The following RASSF3 variants were observed in gnomAD, a reference collection of about 807,000 sequenced individuals.
RASSF3 encodes Ras association domain family member 3.
RASSF3 carries 19 observed loss-of-function variants against 19.9 expected under a neutral mutation model. The observed-to-expected ratio is 0.96, with a 90% confidence interval of 0.67 to 1.40. RASSF3 has a LOEUF of 1.40. RASSF3 is among the 40% of genes most tolerant of loss of function. The pLI is 0.00. For missense variants in RASSF3, 306 were observed against 289.8 expected (o/e 1.06, Z -0.41); for synonymous variants, 110 against 104.2 (o/e 1.06, Z -0.34).
rs183467368 is a variant in RASSF3 at position 64,641,835 on chromosome 12, C to G, written c.111+31092C>G. 8.1e-3 allele frequency among the ~76,000 whole-genome samples: 1,216 copies of G among 149,882 alleles called. 5 individuals are homozygous for G. Among genetic ancestry groups the G allele is most frequent in the Middle Eastern group, 0.024 (7 of 290 alleles). ...TCGGCTCACTGCAACCTCTGCCTCC[C>G]GGGTTCAAGCGATTCTTCTGCCTCA... On this transcript the variant is annotated intron_variant, in intron 1 of 4. Transcript: ENST00000542104.
intron 1 of RASSF3, among the ~76,000 whole-genome samples, chr12:64,677,755 G>T (rs1315111567): frequency 6.6e-6 from 1 of 152,212 alleles, no homozygotes; most frequent in African/African-American, 2.4e-5. Context: ...AGCTCTGTGT[G>T]ACAGTTCTCT....
intron 2 of RASSF3, among the ~76,000 whole-genome samples, chr12:64,577,183 T>G (rs1869609059): frequency 1.3e-5 from 2 of 152,208 alleles, no homozygotes; most frequent in South Asian, 4.1e-4. Context: ...CTGAGTTTCT[T>G]AAAAGATTAG....
chr12:64,575,267 C>T (rs751348369), intron 2 of RASSF3, among the ~76,000 whole-genome samples: 2 of 152,132 alleles, frequency 1.3e-5, no homozygotes, highest in Non-Finnish European at 2.9e-5. Context: ...TTAAATATAA[C>T]ATCTGGCTGG....
chr12:64,568,992 G>A (rs1869476498), intron 2 of RASSF3, among the ~76,000 whole-genome samples: 1 of 152,214 alleles, frequency 6.6e-6, no homozygotes, highest in South Asian at 2.1e-4. Context: ...TTACAGGCGT[G>A]AGCCACTGTG....
Position 64,552,682 on chromosome 12 carries a change from C to T in RASSF3, c.294+10977C>T, listed in dbSNP as rs574253333. On this transcript the variant is annotated intron_variant, in intron 2 of 5. Coordinates refer to the RASSF3 transcript ENST00000637125. ...GAGAAAAATGACTTCCAGCTCCATC[C>T]ATGTCCCTGCAAAGGACATGATCTC... 4.6e-4 allele frequency among the ~76,000 whole-genome samples: 70 copies of T among 152,294 alleles called. No homozygotes were observed. In the South Asian group the frequency reaches 0.014, roughly 31 times the overall value.
chr12:64,621,541 G>A (rs938707328), intron 1 of RASSF3, among the ~76,000 whole-genome samples: 56 of 152,234 alleles, frequency 3.7e-4, no homozygotes, highest in African/African-American at 1.3e-3. Context: ...GCAATGGTGC[G>A]AACTTGGCTC....
At chr12:64,640,201 A>G (rs1042917108) in intron 1 of RASSF3, among the ~76,000 whole-genome samples, 1 of 152,166 alleles carries the variant, frequency 6.6e-6, no homozygotes, top group Admixed American at 6.5e-5. Flanking sequence ...CATATTTAAT[A>G]TATACAGTTT....
chr12:64,544,163 G>A (rs1869008564), downstream of RASSF3, among the ~76,000 whole-genome samples: 1 of 152,052 alleles, frequency 6.6e-6, no homozygotes, highest in Non-Finnish European at 1.5e-5. Flanking sequence ...GCGTTTATGA[G>A]CTGTAACGCC....
intron 1 of RASSF3, among the ~76,000 whole-genome samples, chr12:64,656,745 A>G (rs995104898): frequency 6.6e-6 from 1 of 152,210 alleles, no homozygotes; most frequent in African/African-American, 2.4e-5. Context: ...GTCTGATGGA[A>G]TATCTGGGAT....
At chr12:64,675,732 G>A (rs1418089024) in intron 1 of RASSF3, among the ~76,000 whole-genome samples, 1 of 152,092 alleles carries the variant, frequency 6.6e-6, no homozygotes, top group Non-Finnish European at 1.5e-5. Context: ...AGGAGGATTA[G>A]GGGATGGGGA....
chr12:64,584,080 C>G (rs1484414304), intron 2 of RASSF3, among the ~76,000 whole-genome samples: 1 of 152,176 alleles, frequency 6.6e-6, no homozygotes. Flanking sequence ...CATCTGCACT[C>G]AACAACAATT....
intron 1 of RASSF3, among the ~76,000 whole-genome samples, chr12:64,616,884 C>T (rs1369057144): frequency 6.6e-6 from 1 of 152,216 alleles, no homozygotes; most frequent in Non-Finnish European, 1.5e-5. Context: ...GAACCATGGC[C>T]TGGAGTTGCC....
At chr12:64,521,003 G>A (rs565268367) in intron 1 of RASSF3, among the ~76,000 whole-genome samples, 4 of 152,190 alleles carry the variant, frequency 2.6e-5, no homozygotes, top group African/African-American at 7.2e-5. Context: ...CCACATTTAC[G>A]GCACTGAGCT....
chr12:64,658,558 T>C lies in RASSF3; in HGVS notation c.112-26229T>C, dbSNP rs1592450644. On this transcript the variant is annotated intron_variant, in intron 1 of 4. Transcript: ENST00000542104. ...GGCTCATGCCTGTAACCCCAGCACT[T>C]TGGAAGGCTGAGGCGGGCGGATCGC... Among the ~76,000 whole-genome samples the C allele has an allele frequency of 2.6e-5, 4 of 152,222 alleles. No individual in the cohort carries two copies. The East Asian group carries it at 7.7e-4, about 29-fold the overall frequency.
At chr12:64,618,906 C>A (rs148300256) in intron 1 of RASSF3, among the ~76,000 whole-genome samples, 1 of 150,784 alleles carries the variant, frequency 6.6e-6, no homozygotes, top group South Asian at 2.1e-4. Flanking sequence ...AGAAATGTAC[C>A]CTAAAACTTA....
At chr12:64,553,342 G>A (rs1224648748) in intron 2 of RASSF3, among the ~76,000 whole-genome samples, 1 of 152,202 alleles carries the variant, frequency 6.6e-6, no homozygotes, top group Non-Finnish European at 1.5e-5. Flanking sequence ...AGTGAGGGTG[G>A]ACCGGGGGGT....
At chr12:64,596,116 C>T (rs1869995799) in intron 2 of RASSF3, among the ~76,000 whole-genome samples, 1 of 152,210 alleles carries the variant, frequency 6.6e-6, no homozygotes, top group Admixed American at 6.6e-5. Context: ...TGGGTTTCCC[C>T]ACTCAGTCTA....
At chr12:64,688,139 C>T (rs978231542) in intron 2 of RASSF3, 77 bp from the exon 3 acceptor site, 16 of 955,950 alleles carry the variant, frequency 1.7e-5, no homozygotes, top group Middle Eastern at 2.1e-4. Flanking sequence ...TTCACCTTCC[C>T]GTTTTGTTTT....
intron 2 of RASSF3, among the ~76,000 whole-genome samples, chr12:64,547,328 G>A (rs1869082771): frequency 6.6e-6 from 1 of 150,590 alleles, no homozygotes; most frequent in South Asian, 2.1e-4. Context: ...AGCACTTTGG[G>A]AGGCTGAGGC....
Sources: allele counts gnomAD v4.1 joint callset (sites outside exome capture counted in the v4.1 genomes callset), GRCh38; gene constraint gnomAD v4.1.1; transcripts MANE v1.5; gene names NCBI Gene and HGNC (gene_info 2026-07-23, HGNC 2026-07-21).